The following BANK1 variants were observed in gnomAD, a reference collection of about 807,000 sequenced individuals.
The protein encoded by BANK1 is B cell scaffold protein with ankyrin repeats 1.
Under a neutral mutation model 94.5 loss-of-function variants are expected in BANK1, and 95 were observed. That is an observed-to-expected ratio of 1.00 (90% CI 0.85 to 1.19). BANK1 has a LOEUF of 1.19. BANK1 is among the 50% of genes most tolerant of loss of function. BANK1 has a pLI of 0.00. For synonymous variants in BANK1, 334 were observed against 308.4 expected (o/e 1.08, Z -0.87); for missense variants, 987 against 932.2 (o/e 1.06, Z -0.77).
chr4:101,831,525 A>G (rs1726619558), intron 2 of BANK1, among the ~76,000 whole-genome samples: 1 of 152,148 alleles, frequency 6.6e-6, no homozygotes, highest in South Asian at 2.1e-4. Flanking sequence ...TCCAGGGTGG[A>G]GTGCAGTGGC....
At chr4:101,849,315 A>T (rs1219780480) in intron 2 of BANK1, among the ~76,000 whole-genome samples, 1 of 152,130 alleles carries the variant, frequency 6.6e-6, no homozygotes, top group Non-Finnish European at 1.5e-5. Flanking sequence ...CCTGGATCTC[A>T]TGGAGACTGG....
At chr4:101,799,915 G>T (rs1725298068) in intron 1 of BANK1, among the ~76,000 whole-genome samples, 2 of 151,824 alleles carry the variant, frequency 1.3e-5, no homozygotes, top group Admixed American at 6.6e-5. Flanking sequence ...TAAGGAAAAT[G>T]TTGCACGTAT....
At chr4:102,001,117 T>C (rs915011103) in intron 7 of BANK1, among the ~76,000 whole-genome samples, 35 of 152,100 alleles carry the variant, frequency 2.3e-4, no homozygotes, top group African/African-American at 8.5e-4. Context: ...CAGCAGTGTG[T>C]ATGGTCACAG....
At chr4:101,886,041 T>A (rs1728842878) in intron 5 of BANK1, among the ~76,000 whole-genome samples, 1 of 152,240 alleles carries the variant, frequency 6.6e-6, no homozygotes, top group Admixed American at 6.5e-5. Context: ...GCAGCTCTGT[T>A]ATAATTTGGG....
At chr4:101,949,765 G>T (rs957605220) in intron 7 of BANK1, among the ~76,000 whole-genome samples, 3 of 152,046 alleles carry the variant, frequency 2.0e-5, no homozygotes, top group African/African-American at 4.8e-5. Context: ...TAGGATAAAC[G>T]TACAGGAAAA....
At chr4:102,025,828 A>T (rs1727072293) in intron 9 of BANK1, among the ~76,000 whole-genome samples, 1 of 151,926 alleles carries the variant, frequency 6.6e-6, no homozygotes, top group Non-Finnish European at 1.5e-5. Flanking sequence ...CAAAGCTTTA[A>T]GAGAATAAAA....
intron 10 of BANK1, among the ~76,000 whole-genome samples, chr4:102,034,909 G>A (rs1217245520): frequency 1.3e-5 from 2 of 152,168 alleles, no homozygotes; most frequent in Non-Finnish European, 2.9e-5. Context: ...TGGATTACTT[G>A]TTAATATTTA....
chr4:101,834,670 G>T (rs1376126140), intron 2 of BANK1, among the ~76,000 whole-genome samples: 3 of 152,064 alleles, frequency 2.0e-5, no homozygotes, highest in Non-Finnish European at 1.5e-5. Flanking sequence ...ATAGGACAAA[G>T]AATGTGGAAT....
At chr4:102,007,122 T>TTATA (rs199665393) in intron 7 of BANK1, among the ~76,000 whole-genome samples, 3 of 86,622 alleles carry the variant, frequency 3.5e-5, no homozygotes, top group Non-Finnish European at 4.5e-5. Flanking sequence ...AATATATATT[T>TTATA]TATATATATA....
chr4:101,959,756 T>G (rs139721457), intron 7 of BANK1, among the ~76,000 whole-genome samples: 66 of 152,306 alleles, frequency 4.3e-4, no homozygotes, highest in Middle Eastern at 3.4e-3. Flanking sequence ...TGATCAAGGC[T>G]GGAGGAGCAG....
At chr4:102,025,578 A>T (rs1197881183) in intron 9 of BANK1, 69 bp downstream of exon 9, 1 of 1,431,908 alleles carries the variant, frequency 7.0e-7, no homozygotes, top group African/African-American at 1.4e-5. Context: ...CATAGCAAAT[A>T]GTGCAGTGGC....
chr4:101,993,151 T>C (rs1013736241), intron 7 of BANK1, among the ~76,000 whole-genome samples: 1 of 152,182 alleles, frequency 6.6e-6, no homozygotes, highest in African/African-American at 2.4e-5. Flanking sequence ...AATCTAGTCA[T>C]TGATTCTGTA....
In BANK1 at chr4:102,007,146, T is replaced by TATATATATAAATATATATATA. The variant is rs1560682317; in HGVS notation, c.1207-14368_1207-14367insATATATATAAATATATATATA. Among the ~76,000 whole-genome samples, 7 of 38,066 alleles carry TATATATATAAATATATATATA rather than the reference T, an allele frequency of 1.8e-4. 1 individual carries two copies. The highest frequency in any genetic ancestry group is 4.1e-4 in the Non-Finnish European group (6 of 14,772). The allele number at this position is 38,066 out of a possible 152,430, so 25.0% of individuals were successfully genotyped here. A position where few individuals can be genotyped will look rare whatever the true frequency, so the allele number is the denominator to read the frequency against. ...TTTATATATATATAAAAAATATATTTTATATATATATATATATATATATAA... is the reference window on the plus strand; with the variant it reads ...TTTATATATATATAAAAAATATATTTATATATATAAATATATATATATATATATATATATATATATATATAA... On this transcript the variant is annotated intron_variant, in intron 7 of 16. Coordinates refer to ENST00000322953, the MANE Select transcript of BANK1 (RefSeq NM_017935.5).
At chr4:101,897,808 A>G (rs1429709143) in intron 6 of BANK1, among the ~76,000 whole-genome samples, 1 of 151,970 alleles carries the variant, frequency 6.6e-6, no homozygotes, top group Non-Finnish European at 1.5e-5. Flanking sequence ...ACTAGCCCCT[A>G]ATTGCTTCAA....
chr4:101,799,236 T>C (rs912997044), intron 1 of BANK1, among the ~76,000 whole-genome samples: 2 of 152,224 alleles, frequency 1.3e-5, no homozygotes, highest in Non-Finnish European at 2.9e-5. Context: ...CCCCATTTCT[T>C]GTTTTTGTCA....
chr4:102,039,428 C>G (rs1248977338), intron 10 of BANK1, among the ~76,000 whole-genome samples: 1 of 152,028 alleles, frequency 6.6e-6, no homozygotes, highest in African/African-American at 2.4e-5. Context: ...TTCTGTGTTT[C>G]CTGTATTTGC....
intron 5 of BANK1, among the ~76,000 whole-genome samples, chr4:101,892,555 T>A (rs1476953325): frequency 6.6e-6 from 1 of 151,672 alleles, no homozygotes; most frequent in Non-Finnish European, 1.5e-5. Context: ...ATATTATGGA[T>A]ATGTGTTTAA....
chr4:101,955,616 A>G (rs1431062962), intron 7 of BANK1, among the ~76,000 whole-genome samples: 1 of 152,102 alleles, frequency 6.6e-6, no homozygotes, highest in Non-Finnish European at 1.5e-5. Flanking sequence ...GGAATTTGAT[A>G]CTCGGTTTCT....
chr4:101,879,986 C>A (rs999043322), intron 5 of BANK1, among the ~76,000 whole-genome samples: 1 of 152,038 alleles, frequency 6.6e-6, no homozygotes, highest in Non-Finnish European at 1.5e-5. Context: ...TACTATCATA[C>A]TGAATGGGTA....
Sources: allele counts gnomAD v4.1 joint callset (sites outside exome capture counted in the v4.1 genomes callset), GRCh38; gene constraint gnomAD v4.1.1; transcripts MANE v1.5; gene names NCBI Gene and HGNC (gene_info 2026-07-23, HGNC 2026-07-21).